ADGRA3: variants seen among roughly 807,000 people sequenced by gnomAD.
ADGRA3 encodes G-protein coupled receptor 125.
ADGRA3 carries 56 observed loss-of-function variants against 119.8 expected under a neutral mutation model. That is an observed-to-expected ratio of 0.47 (90% CI 0.38 to 0.58). ADGRA3 has a LOEUF of 0.58. ADGRA3 is among the 20% of genes least tolerant of loss of function. The probability of loss-of-function intolerance (pLI) is 0.00; values close to 1 mark genes in which losing one functional copy is unlikely to be tolerated. For synonymous variants in ADGRA3, 607 were observed against 623.8 expected, an observed-to-expected ratio of 0.97 and a Z score of 0.40; for missense variants, 1,516 against 1,649.0, an observed-to-expected ratio of 0.92 and a Z score of 1.40.
At chr4:22,436,160 C>T (rs892528621) in intron 9 of ADGRA3, among the ~76,000 whole-genome samples, 8 of 151,680 alleles carry the variant, frequency 5.3e-5, no homozygotes, top group African/African-American at 1.9e-4. Flanking sequence ...AATGTGAACT[C>T]GAAGGATGGT....
intron 12 of ADGRA3, chr4:22,414,527 T>C (rs1382160185): frequency 2.0e-5 from 13 of 660,602 alleles, no homozygotes; most frequent in African/African-American, 3.6e-5. Flanking sequence ...AAACATTCCA[T>C]AGTTGAAGAA....
intron 1 of ADGRA3, among the ~76,000 whole-genome samples, chr4:22,513,361 G>C (rs1360690604): frequency 1.3e-5 from 2 of 151,826 alleles, no homozygotes; most frequent in Non-Finnish European, 2.9e-5. Context: ...TAAGCATGTT[G>C]GCCAGGCTGG....
intron 15 of ADGRA3, among the ~76,000 whole-genome samples, chr4:22,401,965 C>A (rs987159833): frequency 6.6e-6 from 1 of 152,086 alleles, no homozygotes; most frequent in Non-Finnish European, 1.5e-5. Context: ...GGTCTAAACA[C>A]TCAATGCATT....
At chr4:22,429,118 T>A (rs1313002261) in intron 10 of ADGRA3, among the ~76,000 whole-genome samples, 1 of 152,004 alleles carries the variant, frequency 6.6e-6, no homozygotes, top group African/African-American at 2.4e-5. Flanking sequence ...TTCAAAACTT[T>A]AAAAAAAACT....
intron 7 of ADGRA3, 107 bp downstream of exon 7, chr4:22,442,543 C>T (rs895753963): frequency 1.1e-5 from 8 of 697,816 alleles, no homozygotes; most frequent in Non-Finnish European, 1.6e-5. Context: ...TTTTTAAATA[C>T]AAGAAGATGA....
Position 22,421,078 on chromosome 4 carries a change from A to G in ADGRA3, c.1617T>C (p.Asn539=), listed in dbSNP as rs776446673. The G allele has an allele frequency of 3.9e-5, 63 of 1,613,384 alleles. No homozygotes were observed. The highest frequency in any genetic ancestry group is 5.3e-5 in the Non-Finnish European group (62 of 1,179,556). ...TGATGACATAAGCTTCCAGAGCAAT[A>G]TTGGGTGAATACTTGAAAAGTCAAT... ...GAHVYSTYSP[N]IALEAYVIKS... is the part of the protein sequence containing the mutation. The change falls in exon 12 of 19, where the codon AAT becomes AAC. Residue 539 remains asparagine (N), a synonymous_variant. Transcript: ENST00000334304.
intron 15 of ADGRA3, among the ~76,000 whole-genome samples, chr4:22,402,091 C>A (rs1370609459): frequency 2.0e-5 from 3 of 152,114 alleles, no homozygotes; most frequent in Non-Finnish European, 4.4e-5. Context: ...CTAGCTTAAA[C>A]AGGAAGACAC....
chr4:22,475,241 C>G (rs192529568), intron 1 of ADGRA3, among the ~76,000 whole-genome samples: 1 of 152,262 alleles, frequency 6.6e-6, no homozygotes, highest in East Asian at 1.9e-4. Context: ...ACCTCACGAA[C>G]AGTAGAAGGA....
At chr4:22,446,715 G>A (rs61214172) in intron 5 of ADGRA3, among the ~76,000 whole-genome samples, 5,271 of 151,984 alleles carry the variant, frequency 0.035, 291 homozygotes, top group African/African-American at 0.11. Context: ...AATCAGGAGA[G>A]AAAAACTCTT....
chr4:22,414,891 T>C (rs1041965365), intron 12 of ADGRA3, among the ~76,000 whole-genome samples: 1 of 152,128 alleles, frequency 6.6e-6, no homozygotes, highest in Non-Finnish European at 1.5e-5. Context: ...TTTGAATTGG[T>C]GTAACGGAAA....
chr4:22,404,866 A>G (rs1714836235), intron 14 of ADGRA3, among the ~76,000 whole-genome samples: 1 of 152,212 alleles, frequency 6.6e-6, no homozygotes, highest in Non-Finnish European at 1.5e-5. Context: ...GAAGAGACAT[A>G]TTTTCCTCCA....
At chr4:22,434,340 T>A (rs1716310709) in intron 10 of ADGRA3, among the ~76,000 whole-genome samples, 1 of 151,912 alleles carries the variant, frequency 6.6e-6, no homozygotes, top group Admixed American at 6.6e-5. Flanking sequence ...AAGTTCTACA[T>A]AAAGAAATAC....
intron 1 of ADGRA3, among the ~76,000 whole-genome samples, chr4:22,486,680 G>T (rs904244672): frequency 1.3e-5 from 2 of 152,116 alleles, no homozygotes; most frequent in Non-Finnish European, 2.9e-5. Context: ...TGTATTTAGG[G>T]TCATTTTTCC....
intron 1 of ADGRA3, among the ~76,000 whole-genome samples, chr4:22,493,704 C>A (rs1029660948): frequency 6.6e-6 from 1 of 152,120 alleles, no homozygotes; most frequent in Non-Finnish European, 1.5e-5. Flanking sequence ...GTCAGAGGCA[C>A]GTGAACCAGA....
chr4:22,444,841 C>A, intron 6 of ADGRA3, 132 bp downstream of exon 6: 1 of 869,460 alleles, frequency 1.2e-6, no homozygotes, highest in Non-Finnish European at 1.8e-6. Flanking sequence ...TAAATATTAT[C>A]AAATCCATAA....
chr4:22,459,342 AG>A (rs1188975702), intron 3 of ADGRA3, among the ~76,000 whole-genome samples: 2 of 152,044 alleles, frequency 1.3e-5, no homozygotes, highest in African/African-American at 4.8e-5. Context: ...AAGGAGGGAG[AG>A]GATCAAGAAA....
Position 22,435,301 on chromosome 4 carries a change from A to G in ADGRA3, c.1443+10T>C. 1 of 1,607,094 alleles carries G rather than the reference A, an allele frequency of 6.2e-7. No individual in the cohort carries two copies. The highest frequency in any genetic ancestry group is 1.7e-5 in the Admixed American group (1 of 59,986). On this transcript the variant is annotated intron_variant, in intron 10 of 18. Transcript: ENST00000334304. ...CACTGTATGCTACAAATCTGAATTT[A>G]GAGAAGTACCTCTTTTGATTTTTCC...
At chr4:22,416,905 C>T (rs1343271714) in intron 12 of ADGRA3, among the ~76,000 whole-genome samples, 2 of 152,088 alleles carry the variant, frequency 1.3e-5, no homozygotes, top group Non-Finnish European at 2.9e-5. Context: ...TACATCTTAA[C>T]ATCTTTCCTT....
chr4:22,448,526 TCTC>T (rs1360102093), intron 4 of ADGRA3, among the ~76,000 whole-genome samples: 2 of 152,140 alleles, frequency 1.3e-5, no homozygotes, highest in Admixed American at 6.5e-5. Flanking sequence ...TCCTGCAACT[TCTC>T]CTCTGGAATC....
Sources: gnomAD v4.1 joint callset for allele counts (sites outside exome capture counted in the v4.1 genomes callset) on GRCh38, gnomAD v4.1.1 for gene constraint, MANE v1.5 for transcripts, NCBI Gene and HGNC (gene_info 2026-07-23, HGNC 2026-07-21) for gene names.